PEX11B: variants seen among roughly 807,000 people sequenced by gnomAD.
PEX11B encodes peroxisomal biogenesis factor 11 beta, also known as peroxisomal membrane protein 11B.
PEX11B carries 18 observed loss-of-function variants against 28.2 expected under a neutral mutation model. That is an observed-to-expected ratio of 0.64 (90% CI 0.44 to 0.95). The LOEUF (loss-of-function observed/expected upper bound fraction) is 0.95. PEX11B is among the 40% of genes least tolerant of loss of function. The probability of loss-of-function intolerance (pLI) is 0.00; values close to 1 mark genes in which losing one functional copy is unlikely to be tolerated. For synonymous variants in PEX11B, 128 were observed against 128.7 expected, an observed-to-expected ratio of 0.99 and a Z score of 0.04; for missense variants, 305 against 319.8, an observed-to-expected ratio of 0.95 and a Z score of 0.35.
intron 3 of PEX11B, among the ~76,000 whole-genome samples, chr1:145,916,055 C>T (rs1328763206): frequency 1.3e-5 from 2 of 152,210 alleles, no homozygotes; most frequent in East Asian, 3.8e-4. Flanking sequence ...CAAACATTAA[C>T]ATTGCCTAAA....
chr1:145,918,647 C>T lies in PEX11B; in HGVS notation c.42G>A (p.Arg14=). ...WVRFSAQSQA[R]ERLCRAAQYA... ...TCGGGCCGCACCTACACAGCCGCTC[C>T]CGGGCTTGGCTCTGAGCACTGAAGC... The change falls in exon 1 of 4, where the codon CGG becomes CGA. Residue 14 remains arginine, a synonymous_variant. Transcript: ENST00000369306. 6.3e-7 allele frequency: 1 copy of T among 1,595,970 alleles called. No homozygotes were observed.
intron 3 of PEX11B, among the ~76,000 whole-genome samples, chr1:145,913,634 ATCTC>A (rs138885170): frequency 2.1e-5 from 3 of 146,338 alleles, no homozygotes; most frequent in Admixed American, 6.9e-5. Context: ...CACACTCTCC[ATCTC>A]TCTCTCAACT....
intron 1 of PEX11B, 138 bp downstream of exon 1, chr1:145,918,495 C>A (rs782683828): frequency 8.4e-5 from 129 of 1,537,510 alleles, no homozygotes; most frequent in Non-Finnish European, 1.1e-4. Flanking sequence ...CAAATCTGCG[C>A]CTCACGGTCC....
chr1:145,912,088 G>T lies in PEX11B; in HGVS notation c.*73C>A. The T allele has an allele frequency of 8.3e-7, 1 of 1,203,102 alleles. No individual in the cohort carries two copies. Among genetic ancestry groups the T allele is most frequent in the Non-Finnish European group, 1.1e-6 (1 of 881,298 alleles). The allele number at this position is 1,203,102 out of a possible 1,614,324, so 74.5% of individuals were successfully genotyped here. On this transcript the variant is annotated 3_prime_UTR_variant, in exon 4 of 4. Transcript: ENST00000369306. The stretch of plus-strand genomic sequence containing the variant: ...TAACCAAAGAGTAGAATTCGAATGA[G>T]GCTGGCACATGGGGGACGATCTAAG...
Position 145,917,696 on chromosome 1 carries a change from C to G in PEX11B, c.172+5G>C. The G allele has an allele frequency of 6.6e-7, 1 of 1,515,864 alleles. No individual in the cohort carries two copies. The highest frequency in any genetic ancestry group is 9.2e-7 in the Non-Finnish European group (1 of 1,089,994). The allele number at this position is 1,515,864 out of a possible 1,614,324, so 93.9% of individuals were successfully genotyped here. A position where few individuals can be genotyped will look rare whatever the true frequency, so the allele number is the denominator to read the frequency against. On this transcript the variant is annotated splice_donor_5th_base_variant and intron_variant, in intron 2 of 3. Coordinates refer to ENST00000369306, the MANE Select transcript of PEX11B (RefSeq NM_003846.3). Reference sequence around the variant, plus strand: ...GGGGATAAAAGGAAAGACAGAGTTACTTACGCTTTCTTCCAAGGCTCAGGT... The same window carrying G: ...GGGGATAAAAGGAAAGACAGAGTTAGTTACGCTTTCTTCCAAGGCTCAGGT...
At chr1:145,916,191 C>G (rs1033299501) in intron 3 of PEX11B, among the ~76,000 whole-genome samples, 5 of 152,174 alleles carry the variant, frequency 3.3e-5, no homozygotes, top group South Asian at 2.1e-4. Context: ...TAGTTCAAAG[C>G]CTTACTTAGA....
intron 3 of PEX11B, among the ~76,000 whole-genome samples, chr1:145,913,106 C>T (rs1355006490): frequency 1.4e-5 from 2 of 146,846 alleles, no homozygotes; most frequent in Non-Finnish European, 3.0e-5. Context: ...AAAAAAAAGG[C>T]TAACTCATAG....
intron 2 of PEX11B, among the ~76,000 whole-genome samples, chr1:145,917,339 G>A (rs587628133): frequency 6.6e-6 from 1 of 152,286 alleles, no homozygotes; most frequent in South Asian, 2.1e-4. Context: ...GCTGAGACAG[G>A]AGAATTGCTT....
In PEX11B at chr1:145,911,858, A is replaced by T. The variant is rs1657805885; in HGVS notation, c.*303T>A. 4.6e-6 allele frequency: 1 copy of T among 217,614 alleles called. No individual in the cohort carries two copies. The highest frequency in any genetic ancestry group is 9.0e-6 in the Non-Finnish European group (1 of 111,576). The allele number at this position is 217,614 out of a possible 1,614,324, so 13.5% of individuals were successfully genotyped here. A position where few individuals can be genotyped will look rare whatever the true frequency, so the allele number is the denominator to read the frequency against. ...ATGAGAAGGTTGAAAAAAGAAAGAG[A>T]GAGATGCATAGACACAGAACCTTAA... On this transcript the variant is annotated 3_prime_UTR_variant, in exon 4 of 4. Coordinates refer to ENST00000369306, the MANE Select transcript of PEX11B (RefSeq NM_003846.3).
intron 3 of PEX11B, 85 bp from the exon 4 acceptor site, chr1:145,912,651 G>T: frequency 1.1e-6 from 1 of 930,424 alleles, no homozygotes; most frequent in Non-Finnish European, 1.5e-6. Flanking sequence ...TTCTTTTCCT[G>T]TAGCAAAGAG....
At chr1:145,917,057 T>C (rs1553754031) in intron 2 of PEX11B, 39 bp from the exon 3 acceptor site, 4 of 1,288,224 alleles carry the variant, frequency 3.1e-6, no homozygotes, top group Non-Finnish European at 2.3e-6. Context: ...GATTTGTAAG[T>C]GGAGAGGCAG....
intron 2 of PEX11B, 67 bp from the exon 3 acceptor site, chr1:145,917,085 C>G: frequency 1.9e-6 from 2 of 1,066,540 alleles, no homozygotes; most frequent in Non-Finnish European, 2.9e-6. Context: ...GAAACAGAAA[C>G]AGAGAAAGCA....
At position 145,911,746 on chromosome 1, in the gene PEX11B, A is replaced by G; in HGVS notation, c.*415T>C. The G allele has an allele frequency of 6.4e-6, 1 of 155,186 alleles. No homozygotes were observed. The highest frequency in any genetic ancestry group is 1.7e-4 in the East Asian group (1 of 5,862). 9.6% of individuals were successfully genotyped at this position (155,186 alleles called of 1,614,324 possible). ...TGCCATAAGCCACCTCTGTGAGAAA[A>G]AAGAAGGCAGTTAGAACCTTACAGG... On this transcript the variant is annotated 3_prime_UTR_variant, in exon 4 of 4. Coordinates refer to ENST00000369306, the MANE Select transcript of PEX11B (RefSeq NM_003846.3).
At position 145,912,432 on chromosome 1, in the gene PEX11B, G is replaced by C. The variant is rs1030891905; in HGVS notation, c.509C>G (p.Thr170Ser). The C allele has an allele frequency of 6.4e-7, 1 of 1,570,170 alleles. No homozygotes were observed. Among genetic ancestry groups the C allele is most frequent in the Admixed American group, 1.8e-5 (1 of 54,984 alleles). The change falls in exon 4 of 4, where the codon ACT (threonine) becomes AGT (serine). Residue 170 changes from threonine to serine, a missense_variant. Coordinates refer to ENST00000369306, the MANE Select transcript of PEX11B (RefSeq NM_003846.3). ...SGGGVPGGSE[T>S]GGLGGPGTPG... ...AGTCCCTGGTCCCCCAAGTCCCCCAGTTTCACTTCCTCCTGGGACTCCTCC... is the reference window on the plus strand; with the variant it reads ...AGTCCCTGGTCCCCCAAGTCCCCCACTTTCACTTCCTCCTGGGACTCCTCC...
At chr1:145,914,495 A>G (rs1647274055) in intron 3 of PEX11B, among the ~76,000 whole-genome samples, 1 of 152,074 alleles carries the variant, frequency 6.6e-6, no homozygotes, top group African/African-American at 2.4e-5. Context: ...TCTGGTCCCT[A>G]CCCCTCTAAC....
chr1:145,915,900 T>C (rs1553753837), intron 3 of PEX11B, among the ~76,000 whole-genome samples: 1 of 152,210 alleles, frequency 6.6e-6, no homozygotes, highest in African/African-American at 2.4e-5. Flanking sequence ...CCCAAAGTGC[T>C]GGGATTACAG....
intron 1 of PEX11B, 172 bp downstream of exon 1, chr1:145,918,461 A>G: frequency 6.5e-7 from 1 of 1,536,296 alleles, no homozygotes; most frequent in Non-Finnish European, 8.7e-7. Context: ...CCGCGAACGG[A>G]AAGGAATCAT....
Position 145,912,298 on chromosome 1 carries a change from C to A in PEX11B, c.643G>T (p.Ala215Ser). ...TCCAGAGGAATGAAGAGATCACAGG[C>A]ATTTCTGACCACGTCTAGCAGAAGT... Reference protein sequence around the residue: ...PPLLLDVVRNACDLFIPLDKL... With the variant: ...PPLLLDVVRNSCDLFIPLDKL... Residue 215 changes from alanine to serine, a missense_variant, in exon 4 of 4, where the codon GCC becomes TCC. Coordinates refer to ENST00000369306, the MANE Select transcript of PEX11B (RefSeq NM_003846.3). The A allele has an allele frequency of 8.1e-6, 13 of 1,614,140 alleles. No individual in the cohort carries two copies. The highest frequency in any genetic ancestry group is 1.1e-5 in the Non-Finnish European group (13 of 1,180,020).
chr1:145,917,699 AC>A lies in PEX11B; in HGVS notation c.172+1del. ...GATAAAAGGAAAGACAGAGTTACTT[AC>A]GCTTTCTTCCAAGGCTCAGGTGGCT... On this transcript the variant is annotated splice_donor_variant, in intron 2 of 3. Transcript: ENST00000369306. LOFTEE classifies it high-confidence loss of function. 1 of 1,535,216 alleles carries A rather than the reference AC, an allele frequency of 6.5e-7. No individual in the cohort carries two copies. Among genetic ancestry groups the A allele is most frequent in the South Asian group, 1.1e-5 (1 of 89,512 alleles).
Sources: allele counts gnomAD v4.1 joint callset (sites outside exome capture counted in the v4.1 genomes callset), GRCh38; gene constraint gnomAD v4.1.1; transcripts MANE v1.5; gene names NCBI Gene and HGNC (gene_info 2026-07-23, HGNC 2026-07-21).